COLEC12: variants seen among roughly 807,000 people sequenced by gnomAD.
COLEC12 encodes the protein collectin subfamily member 12, also known as collectin-12.
COLEC12 carries 33 observed loss-of-function variants against 71.1 expected under a neutral mutation model. The observed-to-expected ratio is 0.46, with a 90% CI of 0.35 to 0.62. COLEC12 has a LOEUF of 0.62. Ranked by LOEUF, COLEC12 falls within the 20% of genes least tolerant of loss-of-function variation. COLEC12 has a pLI of 0.00. For missense variants in COLEC12, 765 were observed against 916.1 expected (o/e 0.84, Z 2.13); for synonymous variants, 350 against 353.0 (o/e 0.99, Z 0.10).
intron 2 of COLEC12, among the ~76,000 whole-genome samples, chr18:423,435 C>CT (rs549742527): frequency 8.6e-5 from 13 of 151,982 alleles, no homozygotes; most frequent in African/African-American, 2.7e-4. Flanking sequence ...TCTTCTTCTT[C>CT]TTTTTTTTAA....
intron 1 of COLEC12, among the ~76,000 whole-genome samples, chr18:495,266 A>G (rs1917688203): frequency 6.6e-6 from 1 of 152,254 alleles, no homozygotes; most frequent in Admixed American, 6.5e-5. Context: ...CTCTGTTGTC[A>G]GCAGTAAAGA....
intron 2 of COLEC12, among the ~76,000 whole-genome samples, chr18:435,869 C>T (rs1033132466): frequency 5.9e-5 from 9 of 152,178 alleles, no homozygotes; most frequent in African/African-American, 2.2e-4. Context: ...TGGAACTTTA[C>T]ACTCTTATTT....
intron 1 of COLEC12, among the ~76,000 whole-genome samples, chr18:488,228 T>C (rs1350386524): frequency 6.6e-6 from 1 of 151,770 alleles, no homozygotes; most frequent in Non-Finnish European, 1.5e-5. Context: ...CTGGCCAACA[T>C]GGTGAAACCT....
At chr18:378,557 C>T (rs530235739) in intron 2 of COLEC12, among the ~76,000 whole-genome samples, 132 of 152,222 alleles carry the variant, frequency 8.7e-4, no homozygotes, top group Middle Eastern at 6.8e-3. Context: ...GCAAACAGCA[C>T]CCAATTCTCG....
chr18:372,977 T>C (rs982599950), intron 2 of COLEC12, among the ~76,000 whole-genome samples: 1 of 152,094 alleles, frequency 6.6e-6, no homozygotes, highest in African/African-American at 2.4e-5. Flanking sequence ...AGGCAATGAA[T>C]CCCTCTGAGG....
chr18:380,678 C>T (rs2143559710), intron 2 of COLEC12, among the ~76,000 whole-genome samples: 2 of 152,174 alleles, frequency 1.3e-5, no homozygotes, highest in Middle Eastern at 6.8e-3. Flanking sequence ...TGGGCCCCTG[C>T]CATGAAGTTT....
chr18:396,004 G>C (rs1915563247), intron 2 of COLEC12, among the ~76,000 whole-genome samples: 1 of 152,238 alleles, frequency 6.6e-6, no homozygotes, highest in Non-Finnish European at 1.5e-5. Flanking sequence ...ATGTGGTGGA[G>C]AGCGCTGCCA....
chr18:331,840 CTTTTA>C (rs1373089695), intron 7 of COLEC12, 63 bp from the exon 8 acceptor site: 18 of 973,266 alleles, frequency 1.8e-5, no homozygotes, highest in Non-Finnish European at 2.8e-5. Context: ...AGGCCTTTTT[CTTTTA>C]TTTAACATTT....
At chr18:341,327 G>T (rs1914247890) in intron 5 of COLEC12, among the ~76,000 whole-genome samples, 1 of 152,152 alleles carries the variant, frequency 6.6e-6, no homozygotes, top group Non-Finnish European at 1.5e-5. Flanking sequence ...TCCCTCCCCC[G>T]CAAATGGGGA....
At chr18:440,501 C>T (rs1249621888) in intron 2 of COLEC12, among the ~76,000 whole-genome samples, 1 of 151,986 alleles carries the variant, frequency 6.6e-6, no homozygotes, top group Non-Finnish European at 1.5e-5. Context: ...TAAATATGTA[C>T]AATTTTATTT....
At chr18:386,355 A>G (rs1255815881) in intron 2 of COLEC12, among the ~76,000 whole-genome samples, 1 of 152,228 alleles carries the variant, frequency 6.6e-6, no homozygotes, top group Non-Finnish European at 1.5e-5. Context: ...GAACCCTAGA[A>G]TGATAATGCT....
chr18:387,777 T>G (rs997805911), intron 2 of COLEC12, among the ~76,000 whole-genome samples: 2 of 152,212 alleles, frequency 1.3e-5, no homozygotes, highest in African/African-American at 4.8e-5. Context: ...GTAATCACTG[T>G]ATAACCCAGT....
chr18:347,410 C>A lies in COLEC12; in HGVS notation c.281-69G>T. 3.1e-6 allele frequency: 4 copies of A among 1,305,492 alleles called. No homozygotes were observed. The South Asian group carries it at 5.3e-5, about 17-fold the overall frequency. The allele number at this position is 1,305,492 out of a possible 1,614,324, so 80.9% of individuals were successfully genotyped here. On this transcript the variant is annotated intron_variant, in intron 4 of 9. Transcript: ENST00000400256. The stretch of plus-strand genomic sequence containing the variant: ...AGTGTTCAGGCAAGGCCAAAGATCC[C>A]GAACACACTTAATCGGTATGCACTG...
Position 383,525 on chromosome 18 carries a change from G to A in COLEC12, c.59-26003C>T, listed in dbSNP as rs112436551. ...ACCCTAGCTGTGGAACTTAAGTTAC[G>A]ATTATATTGGTTTTGTATAAACGTA... is the stretch of plus-strand genomic sequence containing the variant. On this transcript the variant is annotated intron_variant, in intron 2 of 9. Transcript: ENST00000400256. Among the ~76,000 whole-genome samples, 1,000 of 152,248 alleles carry A rather than the reference G, an allele frequency of 6.6e-3. 3 individuals are homozygous for A. Among genetic ancestry groups the A allele is most frequent in the Non-Finnish European group, 0.011 (729 of 68,000 alleles).
chr18:325,838 GT>G (rs1467297471), intron 8 of COLEC12, among the ~76,000 whole-genome samples: 3 of 151,874 alleles, frequency 2.0e-5, no homozygotes, highest in African/African-American at 7.3e-5. Flanking sequence ...TAATTTTTAA[GT>G]TTTTTGTAGA....
intron 2 of COLEC12, chr18:424,116 T>C (rs1370076639): frequency 1.3e-5 from 2 of 152,186 alleles, no homozygotes; most frequent in African/African-American, 4.8e-5. Flanking sequence ...CTATGTGGAA[T>C]GAAAGCCCTG....
chr18:367,880 C>T (rs530216818), intron 2 of COLEC12, among the ~76,000 whole-genome samples: 79 of 152,206 alleles, frequency 5.2e-4, no homozygotes, highest in South Asian at 2.3e-3. Context: ...CCTGAGGCCA[C>T]GAGTTCAAGA....
At chr18:382,601 T>C (rs1378025918) in intron 2 of COLEC12, among the ~76,000 whole-genome samples, 1 of 152,204 alleles carries the variant, frequency 6.6e-6, no homozygotes, top group South Asian at 2.1e-4. Context: ...ACTCCACTTA[T>C]TAGCACTAAT....
At chr18:393,422 C>A (rs1598349510) in intron 2 of COLEC12, among the ~76,000 whole-genome samples, 5 of 151,394 alleles carry the variant, frequency 3.3e-5, no homozygotes, top group Admixed American at 3.3e-4. Context: ...CAGCAAATTT[C>A]ATATTTCCCT....
Sources: gnomAD v4.1 joint callset for allele counts (sites outside exome capture counted in the v4.1 genomes callset) on GRCh38, gnomAD v4.1.1 for gene constraint, MANE v1.5 for transcripts, NCBI Gene and HGNC (gene_info 2026-07-23, HGNC 2026-07-21) for gene names.